The following ROBO2 variants were observed in gnomAD, a reference collection of about 807,000 sequenced individuals.
The protein encoded by ROBO2 is roundabout guidance receptor 2.
Under a neutral mutation model 160.8 loss-of-function variants are expected in ROBO2, and 53 were observed. The observed-to-expected ratio is 0.33, with a 90% CI of 0.26 to 0.41. The LOEUF (loss-of-function observed/expected upper bound fraction) is 0.41, where lower values mean the gene tolerates loss of function less well. Among genes scored for constraint, ROBO2 ranks in the 10% least tolerant of loss-of-function variants. The probability of loss-of-function intolerance (pLI) is 1.00; values close to 1 mark genes in which losing one functional copy is unlikely to be tolerated. For synonymous variants in ROBO2, 664 were observed against 611.7 expected, an observed-to-expected ratio of 1.09 and a Z score of -1.26; for missense variants, 1,577 against 1,722.4, an observed-to-expected ratio of 0.92 and a Z score of 1.49.
intron 2 of ROBO2, among the ~76,000 whole-genome samples, chr3:76,938,289 C>T (rs1019729324): frequency 6.6e-6 from 1 of 151,732 alleles, no homozygotes; most frequent in Non-Finnish European, 1.5e-5. Flanking sequence ...GGGAGGCGGA[C>T]GCTGCAGTGA....
chr3:77,009,169 G>A (rs940192252), intron 2 of ROBO2, among the ~76,000 whole-genome samples: 2 of 152,278 alleles, frequency 1.3e-5, no homozygotes, highest in Admixed American at 6.5e-5. Context: ...TTGAAAAGAC[G>A]TGACACATAA....
intron 5 of ROBO2, among the ~76,000 whole-genome samples, chr3:77,509,174 CG>C (rs2089023671): frequency 6.6e-6 from 1 of 152,022 alleles, no homozygotes. Flanking sequence ...TTTGCTCCTC[CG>C]GTGCCATCTC....
At chr3:77,475,189 A>G (rs1003944369) in intron 2 of ROBO2, among the ~76,000 whole-genome samples, 4 of 152,164 alleles carry the variant, frequency 2.6e-5, no homozygotes, top group African/African-American at 9.7e-5. Flanking sequence ...GCACATTACA[A>G]GTTGAAGAGG....
intron 2 of ROBO2, among the ~76,000 whole-genome samples, chr3:76,462,292 C>G (rs961206904): frequency 6.6e-6 from 1 of 152,136 alleles, no homozygotes; most frequent in Non-Finnish European, 1.5e-5. Context: ...ACTCACCGAG[C>G]TCTTTCCCCT....
rs780623744 is a variant in ROBO2, at chr3:77,098,287, C to G, written c.335C>G (p.Ala112Gly). The change falls in exon 2 of 26, where the codon GCG (alanine) becomes GGG (glycine). Residue 112 changes from alanine (A) to glycine (G), a missense_variant. Coordinates refer to ENST00000461745, the Ensembl canonical transcript of ROBO2. ...GATGAAGGAAGCTACGTTTGTGTTG[C>G]GAGGAACTATCTTGGTGAAGCAGTG... The G allele has an allele frequency of 2.5e-5, 41 of 1,614,052 alleles. No homozygotes were observed. Among genetic ancestry groups the G allele is most frequent in the Non-Finnish European group, 3.2e-5 (38 of 1,180,038 alleles).
At chr3:77,180,972 T>C (rs542747547) in intron 2 of ROBO2, among the ~76,000 whole-genome samples, 1 of 152,164 alleles carries the variant, frequency 6.6e-6, no homozygotes, top group South Asian at 2.1e-4. Flanking sequence ...CTAGCTGCAT[T>C]TAACTTGCTG....
intron 2 of ROBO2, among the ~76,000 whole-genome samples, chr3:76,447,939 G>A (rs867833779): frequency 1.9e-4 from 29 of 151,048 alleles, no homozygotes; most frequent in Middle Eastern, 3.4e-3. Flanking sequence ...TATACCTAAT[G>A]TTAAATGACG....
At chr3:76,333,152 A>G (rs2073617722) in intron 2 of ROBO2, among the ~76,000 whole-genome samples, 2 of 152,180 alleles carry the variant, frequency 1.3e-5, no homozygotes, top group Non-Finnish European at 2.9e-5. Context: ...TTACCACATA[A>G]CAGCCCTGTG....
exon 13 of ROBO2, chr3:77,568,339 G>A (rs1671316754): frequency 6.2e-7 from 1 of 1,612,876 alleles, no homozygotes. Context: ...ACAAGGAGTG[G>A]ACCACAGGCA....
At chr3:77,006,839 TAAA>T (rs2149443515) in intron 2 of ROBO2, among the ~76,000 whole-genome samples, 1 of 152,156 alleles carries the variant, frequency 6.6e-6, no homozygotes, top group South Asian at 2.1e-4. Flanking sequence ...AATCAAAAGT[TAAA>T]AACTGCTCAA....
chr3:76,509,705 T>C (rs2080982491), intron 2 of ROBO2, among the ~76,000 whole-genome samples: 1 of 152,166 alleles, frequency 6.6e-6, no homozygotes, highest in African/African-American at 2.4e-5. Flanking sequence ...ACAAGAATTA[T>C]TCCAGCAAAG....
In ROBO2 at chr3:76,978,589, T is replaced by G. The variant is rs538464443; in HGVS notation, c.110-119425T>G. 2.0e-5 allele frequency among the ~76,000 whole-genome samples: 3 copies of G among 152,250 alleles called. No homozygotes were observed. In the East Asian group the frequency reaches 5.8e-4, roughly 29 times the overall value. On this transcript the variant is annotated intron_variant, in intron 2 of 26. Transcript: ENST00000487694. ...AATAACCAGAGAAATCAATATTTTT[T>G]GGACTTAAAAATGAAAGCAGTATTA...
chr3:76,032,038 G>A lies in ROBO2; in HGVS notation c.109+94436G>A, dbSNP rs1006286671. On this transcript the variant is annotated intron_variant, in intron 2 of 26. Transcript: ENST00000487694. ...AATTATTGCCTCAATTTTAGAGCCT[G>A]TTATTGGTCTATTCAGACATTCAAC... Among the ~76,000 whole-genome samples the A allele has an allele frequency of 2.0e-5, 3 of 152,134 alleles. No homozygotes were observed. In the South Asian group the frequency reaches 6.2e-4, roughly 31 times the overall value.
chr3:77,211,594 C>G (rs1338721780), intron 2 of ROBO2, among the ~76,000 whole-genome samples: 1 of 152,154 alleles, frequency 6.6e-6, no homozygotes. Context: ...TCCCATTTGT[C>G]AATTTTGGCT....
intron 2 of ROBO2, among the ~76,000 whole-genome samples, chr3:76,024,054 C>G (rs1018424677): frequency 7.9e-5 from 12 of 151,340 alleles, no homozygotes; most frequent in Non-Finnish European, 1.5e-4. Flanking sequence ...AACATCATCT[C>G]ATTAGTTATA....
At chr3:76,600,348 A>G (rs2087045558) in intron 2 of ROBO2, among the ~76,000 whole-genome samples, 1 of 152,160 alleles carries the variant, frequency 6.6e-6, no homozygotes, top group Admixed American at 6.5e-5. Context: ...TTCTACATTA[A>G]TGATTTGAAA....
At chr3:77,605,973 C>T (rs1241213002) in intron 20 of ROBO2, among the ~76,000 whole-genome samples, 1 of 152,132 alleles carries the variant, frequency 6.6e-6, no homozygotes, top group Admixed American at 6.5e-5. Context: ...ATCATTGAAA[C>T]CGAGTTCTGA....
intron 22 of ROBO2, among the ~76,000 whole-genome samples, chr3:77,621,535 T>C (rs1044194725): frequency 1.3e-5 from 2 of 152,234 alleles, no homozygotes; most frequent in Non-Finnish European, 2.9e-5. Context: ...AAAAGGTTTA[T>C]TTAACACACT....
chr3:77,619,232 T>C (rs1265681807), intron 22 of ROBO2, among the ~76,000 whole-genome samples: 1 of 152,176 alleles, frequency 6.6e-6, no homozygotes, highest in Non-Finnish European at 1.5e-5. Flanking sequence ...ATGATGGTGA[T>C]GATAATAGTA....
Sources: allele counts gnomAD v4.1 joint callset (sites outside exome capture counted in the v4.1 genomes callset), GRCh38; gene constraint gnomAD v4.1.1; transcripts MANE v1.5; gene names NCBI Gene and HGNC (gene_info 2026-07-23, HGNC 2026-07-21).